The following DSG3 variants were observed in gnomAD, a reference collection of about 807,000 sequenced individuals.
DSG3 encodes desmoglein 3.
A neutral mutation model predicts 85.9 loss-of-function variants in DSG3; 63 were observed. That is an observed-to-expected ratio of 0.73 (90% confidence interval 0.60 to 0.90). DSG3 has a LOEUF of 0.90. Ranked by LOEUF, DSG3 falls within the 40% of genes least tolerant of loss-of-function variation. The pLI is 0.00. For missense variants in DSG3, 1,220 were observed against 1,219.9 expected, an observed-to-expected ratio of 1.00 and a Z score of 0.00; for synonymous variants, 447 against 441.9, an observed-to-expected ratio of 1.01 and a Z score of -0.14.
At chr18:31,457,406 T>C (rs1598776818) in intron 3 of DSG3, among the ~76,000 whole-genome samples, 1 of 152,148 alleles carries the variant, frequency 6.6e-6, no homozygotes, top group Non-Finnish European at 1.5e-5. Context: ...AGCAAACAAA[T>C]AGGAAAAATA....
chr18:31,447,819 G>A lies in DSG3; in HGVS notation c.-59G>A, dbSNP rs2072687550. 4 of 1,453,168 alleles carry A rather than the reference G, an allele frequency of 2.8e-6. No homozygotes were observed. Among genetic ancestry groups the A allele is most frequent in the African/African-American group, 2.9e-5 (2 of 68,720 alleles). The allele number at this position is 1,453,168 out of a possible 1,614,324, so 90.0% of individuals were successfully genotyped here. A position where few individuals can be genotyped will look rare whatever the true frequency, so the allele number is the denominator to read the frequency against. On this transcript the variant is annotated 5_prime_UTR_variant, in exon 1 of 16. Coordinates refer to ENST00000257189, the MANE Select transcript of DSG3 (RefSeq NM_001944.3). ...CTTTTCTTAGACATCAACTGCAGAC[G>A]GCTGGCAGGATAGAAGCAGCGGCTC...
At position 31,476,965 on chromosome 18, in the gene DSG3, C is replaced by CG. The variant is rs1555668275; in HGVS notation, c.*705_*706insG. On this transcript the variant is annotated 3_prime_UTR_variant, in exon 16 of 16. Coordinates refer to ENST00000257189, the MANE Select transcript of DSG3 (RefSeq NM_001944.3). ...TGGGCGACAGAGCGAGACTCCGTCT[C>CG]AAAAAAAAAAAAAAAAAAAGAATCA... 8 of 90,840 alleles carry CG rather than the reference C, an allele frequency of 8.8e-5. No homozygotes were observed. Among genetic ancestry groups the CG allele is most frequent in the African/African-American group, 3.3e-4 (8 of 24,052 alleles). The allele number at this position is 90,840 out of a possible 1,614,324, so 5.6% of individuals were successfully genotyped here.
chr18:31,475,549 G>A (rs1033989104), intron 15 of DSG3, 97 bp from the exon 16 acceptor site: 2 of 1,397,770 alleles, frequency 1.4e-6, no homozygotes, highest in Non-Finnish European at 1.9e-6. Context: ...TACCTAGTTT[G>A]GGCATTCATA....
intron 8 of DSG3, 76 bp from the exon 9 acceptor site, chr18:31,464,035 G>C: frequency 7.6e-7 from 1 of 1,318,462 alleles, no homozygotes. Context: ...ATCTTGCATA[G>C]TGTGCTGTCA....
chr18:31,451,773 C>T (rs1383667096), intron 1 of DSG3, among the ~76,000 whole-genome samples: 2 of 152,188 alleles, frequency 1.3e-5, no homozygotes, highest in Non-Finnish European at 2.9e-5. Flanking sequence ...ATTAGCACTC[C>T]CTCTTGCTTC....
rs538649605 is a variant in DSG3 at position 31,465,791 on chromosome 18, C to T, written c.1411+334C>T. Among the ~76,000 whole-genome samples the T allele has an allele frequency of 2.2e-4, 34 of 152,252 alleles. No homozygotes were observed. The East Asian group carries it at 3.7e-3, about 16-fold the overall frequency. ...GCGCATCAGGGAATCTCAACTTGAA[C>T]GTCAGGTGCTTTTGTGAGGTACCTA... On this transcript the variant is annotated intron_variant, in intron 10 of 15. Transcript: ENST00000257189.
chr18:31,458,713 C>A, intron 4 of DSG3, 113 bp downstream of exon 4: 1 of 1,221,732 alleles, frequency 8.2e-7, no homozygotes, highest in Non-Finnish European at 1.1e-6. Context: ...TGCATCAGTC[C>A]ACCAGCAAAT....
chr18:31,473,890 G>T (rs564902453), intron 14 of DSG3, among the ~76,000 whole-genome samples: 2 of 152,050 alleles, frequency 1.3e-5, no homozygotes, highest in African/African-American at 4.8e-5. Flanking sequence ...TTATTTCTTT[G>T]TACACTTTTA....
In DSG3 at chr18:31,474,369, A is replaced by C. The variant is rs762074898; in HGVS notation, c.2350A>C (p.Ile784Leu). 1.2e-6 allele frequency: 2 copies of C among 1,609,366 alleles called. No homozygotes were observed. The highest frequency in any genetic ancestry group is 2.2e-5 in the South Asian group (2 of 90,350). ...GTNKDYADGA[I>L]SMNFLDSYFS... is the part of the protein sequence containing the mutation. ...CAATAAGGACTACGCTGATGGGGCG[A>C]TAAGCATGAATTTTCTGGACTCCTA... Residue 784 changes from isoleucine to leucine, a missense_variant, in exon 15 of 16, where the codon ATA (isoleucine) becomes CTA (leucine). Coordinates refer to ENST00000257189, the MANE Select transcript of DSG3 (RefSeq NM_001944.3).
At chr18:31,457,218 A>C (rs1016834346) in intron 3 of DSG3, 94 bp downstream of exon 3, 1 of 1,306,198 alleles carries the variant, frequency 7.7e-7, no homozygotes, top group African/African-American at 1.5e-5. Context: ...CAAAATGAAG[A>C]CTGGGGAGTC....
At chr18:31,448,408 T>TA (rs1433992231) in intron 1 of DSG3, among the ~76,000 whole-genome samples, 1 of 152,166 alleles carries the variant, frequency 6.6e-6, no homozygotes, top group African/African-American at 2.4e-5. Context: ...TGTTTGACTC[T>TA]AGAGAAGTTG....
rs1026732819 is a variant in DSG3 at position 31,473,970 on chromosome 18, T to G, written c.2102-151T>G. The G allele has an allele frequency of 4.3e-6, 3 of 692,070 alleles. No homozygotes were observed. In the Admixed American group the frequency reaches 8.9e-5, roughly 21 times the overall value. The allele number at this position is 692,070 out of a possible 1,614,324, so 42.9% of individuals were successfully genotyped here. On this transcript the variant is annotated intron_variant, in intron 14 of 15. Coordinates refer to ENST00000257189, the MANE Select transcript of DSG3 (RefSeq NM_001944.3). Reference sequence around the variant, plus strand: ...CCTTTGTGACTCTCACATAACACATTGTGGGATGTTATCACCTCTAGTCAT... The same window carrying G: ...CCTTTGTGACTCTCACATAACACATGGTGGGATGTTATCACCTCTAGTCAT...
At chr18:31,450,980 CA>C (rs1425820309) in intron 1 of DSG3, among the ~76,000 whole-genome samples, 1 of 151,892 alleles carries the variant, frequency 6.6e-6, no homozygotes, top group African/African-American at 2.4e-5. Context: ...AAAAGTATAT[CA>C]AAAACAGTTG....
intron 10 of DSG3, 95 bp downstream of exon 10, chr18:31,465,552 A>G (rs2072812892): frequency 1.8e-6 from 2 of 1,124,628 alleles, no homozygotes; most frequent in Non-Finnish European, 2.3e-6. Context: ...TATTATCTTT[A>G]CCACTGGAGA....
At position 31,459,846 on chromosome 18, in the gene DSG3, C is replaced by T. The variant is rs1051042931; in HGVS notation, c.519C>T (p.Asn173=). The T allele has an allele frequency of 5.0e-6, 8 of 1,611,938 alleles. No homozygotes were observed. The highest frequency in any genetic ancestry group is 2.7e-5 in the African/African-American group (2 of 74,986). ...MGEIEENSAS[N]SLVMILNATD... ...ATAAACGTTTTCCTGTATTCCTAGA[C>T]TCACTGGTGATGATACTAAATGCCA... Residue 173 remains asparagine, a splice_region_variant and synonymous_variant, in exon 6 of 16, where the codon AAC becomes AAT. Transcript: ENST00000257189.
chr18:31,459,912 C>T lies in DSG3; in HGVS notation c.585C>T (p.Ala195=), dbSNP rs775309966. 3 of 1,614,006 alleles carry T rather than the reference C, an allele frequency of 1.9e-6. No individual in the cohort carries two copies. The highest frequency in any genetic ancestry group is 2.2e-5 in the South Asian group (2 of 91,072). ...CAAACCACTTGAATTCTAAAATTGC[C>T]TTCAAAATTGTCTCTCAGGAACCAG... The part of the protein sequence containing the change: ...DEPNHLNSKI[A]FKIVSQEPAG... The change falls in exon 6 of 16, where the codon GCC becomes GCT. Residue 195 remains alanine, a synonymous_variant. Transcript: ENST00000257189.
chr18:31,448,518 A>T (rs983837738), intron 1 of DSG3, among the ~76,000 whole-genome samples: 7 of 152,166 alleles, frequency 4.6e-5, no homozygotes, highest in African/African-American at 1.4e-4. Context: ...TTTTAAAGCC[A>T]TTTTTTTCAG....
At chr18:31,470,032 C>T (rs968253082) in intron 12 of DSG3, among the ~76,000 whole-genome samples, 1 of 152,062 alleles carries the variant, frequency 6.6e-6, no homozygotes, top group East Asian at 1.9e-4. Context: ...GCGTAAGTAT[C>T]CTTTTCCAAT....
At chr18:31,457,766 TA>T (rs1426159294) in intron 3 of DSG3, among the ~76,000 whole-genome samples, 1 of 152,000 alleles carries the variant, frequency 6.6e-6, no homozygotes. Flanking sequence ...TAGCTGGGAT[TA>T]CAGGCGTGTG....
Sources: gnomAD v4.1 joint callset for allele counts (sites outside exome capture counted in the v4.1 genomes callset) on GRCh38, gnomAD v4.1.1 for gene constraint, MANE v1.5 for transcripts, NCBI Gene and HGNC (gene_info 2026-07-23, HGNC 2026-07-21) for gene names.